The following SAMD5 variants were observed in gnomAD, a reference collection of about 807,000 sequenced individuals.
SAMD5 encodes sterile alpha motif domain-containing protein 5.
A neutral mutation model predicts 11.3 loss-of-function variants in SAMD5; 13 were observed. That is an observed-to-expected ratio of 1.15 (90% CI 0.75 to 1.83). The LOEUF (loss-of-function observed/expected upper bound fraction) is 1.83, where lower values mean the gene tolerates loss of function less well. SAMD5 is among the 40% of genes most tolerant of loss of function. The pLI, the probability that SAMD5 is intolerant of heterozygous loss-of-function variation, is 0.00. For synonymous variants in SAMD5, 129 were observed against 111.3 expected (o/e 1.16, Z -1.00); for missense variants, 255 against 239.1 (o/e 1.07, Z -0.44).
At chr6:147,909,614 T>TTC in the SAMD5 span, among the ~76,000 whole-genome samples, 71 of 77,292 alleles carry the variant, frequency 9.2e-4, 5 homozygotes, top group African/African-American at 5.2e-3. Context: ...CTTTCTTTCT[T>TTC]TCTTTCTTTC....
At chr6:147,589,965 C>T (rs7745415) in intron 1 of SAMD5, among the ~76,000 whole-genome samples, 49,946 of 151,902 alleles carry the variant, frequency 0.33, 8,408 homozygotes, top group East Asian at 0.37. Flanking sequence ...TGCATAGGCC[C>T]GGAATTAGAA....
At chr6:147,597,844 G>A (rs762765116) in intron 1 of SAMD5, among the ~76,000 whole-genome samples, 1 of 152,140 alleles carries the variant, frequency 6.6e-6, no homozygotes, top group Admixed American at 6.5e-5. Flanking sequence ...CTTACAGGGT[G>A]ACTTCTTCCT....
At chr6:147,726,180 G>A (rs1313043903) in intron 1 of SAMD5, among the ~76,000 whole-genome samples, 1 of 152,136 alleles carries the variant, frequency 6.6e-6, no homozygotes, top group African/African-American at 2.4e-5. Flanking sequence ...GTTCACAAAT[G>A]GAAAATTATC....
the SAMD5 span, among the ~76,000 whole-genome samples, chr6:147,866,148 G>A: frequency 2.6e-5 from 4 of 151,864 alleles, no homozygotes; most frequent in African/African-American, 9.7e-5. Flanking sequence ...CCAAGAATGC[G>A]GAAATACCAG....
the SAMD5 span, among the ~76,000 whole-genome samples, chr6:147,806,316 G>A: frequency 2.1e-3 from 321 of 150,450 alleles, 1 homozygote; most frequent in African/African-American, 6.6e-3. Context: ...GCGCGCGCGC[G>A]CGCACACACA....
the SAMD5 span, among the ~76,000 whole-genome samples, chr6:147,799,683 C>A: frequency 6.6e-6 from 1 of 151,216 alleles, no homozygotes; most frequent in Non-Finnish European, 1.5e-5. Flanking sequence ...TGGTTCCATT[C>A]TCCCCATCAC....
At chr6:147,625,386 A>G (rs763087401) in intron 1 of SAMD5, among the ~76,000 whole-genome samples, 1 of 152,226 alleles carries the variant, frequency 6.6e-6, no homozygotes, top group African/African-American at 2.4e-5. Context: ...CATGCTACCA[A>G]ATAAAGTCAA....
chr6:147,528,093 C>A (rs1788372422), intron 1 of SAMD5, among the ~76,000 whole-genome samples: 2 of 151,664 alleles, frequency 1.3e-5, no homozygotes, highest in South Asian at 4.2e-4. Flanking sequence ...ACCCCATGAC[C>A]CAATCATCTC....
At chr6:147,844,788 G>T in the SAMD5 span, among the ~76,000 whole-genome samples, 229 of 152,208 alleles carry the variant, frequency 1.5e-3, no homozygotes, top group African/African-American at 5.3e-3. Flanking sequence ...TCACTTATGT[G>T]AATCTGAAAA....
the SAMD5 span, among the ~76,000 whole-genome samples, chr6:147,795,270 G>A: frequency 1.4e-5 from 2 of 140,886 alleles, no homozygotes; most frequent in Non-Finnish European, 3.0e-5. Context: ...CCGTGTCCAT[G>A]TGTTCTCATT....
At chr6:147,713,817 C>T (rs948303085) in intron 1 of SAMD5, among the ~76,000 whole-genome samples, 22 of 151,860 alleles carry the variant, frequency 1.4e-4, no homozygotes, top group African/African-American at 5.3e-4. Context: ...GTCAGTTTTC[C>T]CCTCTTCTCT....
the SAMD5 span, among the ~76,000 whole-genome samples, chr6:147,937,201 G>A: frequency 5.9e-5 from 9 of 152,248 alleles, no homozygotes; most frequent in African/African-American, 1.9e-4. Context: ...AATATTTAAA[G>A]CCTTTAAAAA....
chr6:147,924,857 A>G, the SAMD5 span, among the ~76,000 whole-genome samples: 1 of 151,872 alleles, frequency 6.6e-6, no homozygotes, highest in African/African-American at 2.4e-5. Flanking sequence ...AATACTTTCA[A>G]CCCCATCTCC....
At position 147,509,141 on chromosome 6, in the gene SAMD5, C is replaced by T; in HGVS notation, c.213C>T (p.Gly71=). 1 of 1,538,810 alleles carries T rather than the reference C, an allele frequency of 6.5e-7. No individual in the cohort carries two copies. The highest frequency in any genetic ancestry group is 8.7e-7 in the Non-Finnish European group (1 of 1,145,314). Residue 71 remains glycine (G), a synonymous_variant, in exon 1 of 2, where the codon GGC becomes GGT. Coordinates refer to ENST00000367474, the MANE Select transcript of SAMD5 (RefSeq NM_001030060.3). ...RLREQDANAA[G]LYFTLEPQPA... ...GGGAGCAGGACGCCAACGCCGCCGG[C>T]CTCTACTTCACGCTTGAGCCGCAGC...
At chr6:147,646,610 T>A (rs1440694038) in intron 1 of SAMD5, among the ~76,000 whole-genome samples, 4 of 152,174 alleles carry the variant, frequency 2.6e-5, no homozygotes, top group Non-Finnish European at 5.9e-5. Context: ...GTGGCACTTG[T>A]AGTGTTGTAT....
chr6:147,875,774 G>A, the SAMD5 span, among the ~76,000 whole-genome samples: 1 of 152,126 alleles, frequency 6.6e-6, no homozygotes, highest in African/African-American at 2.4e-5. Context: ...CGTTCCTTAT[G>A]AGAATCCAGT....
intron 1 of SAMD5, among the ~76,000 whole-genome samples, chr6:147,585,304 A>C (rs557364379): frequency 6.6e-6 from 1 of 152,170 alleles, no homozygotes; most frequent in Non-Finnish European, 1.5e-5. Context: ...TGTAACTATT[A>C]TCAGAGGGAA....
At position 147,566,215 on chromosome 6, in the gene SAMD5, A is replaced by G. The variant is rs1789037988; in HGVS notation, c.*1759A>G. 3 of 976,664 alleles carry G rather than the reference A, an allele frequency of 3.1e-6. No individual in the cohort carries two copies. Among genetic ancestry groups the G allele is most frequent in the Non-Finnish European group, 2.4e-6 (2 of 821,948 alleles). The allele number at this position is 976,664 out of a possible 1,614,324, so 60.5% of individuals were successfully genotyped here. On this transcript the variant is annotated 3_prime_UTR_variant, in exon 2 of 2. Coordinates refer to ENST00000367474, the MANE Select transcript of SAMD5 (RefSeq NM_001030060.3). ...TGTAAGGAAGTTAAATTTTAAAAGC[A>G]TGTATAGGTTGTCCTTAAATTATAC...
intron 1 of SAMD5, among the ~76,000 whole-genome samples, chr6:147,547,211 A>T (rs1398411418): frequency 6.6e-6 from 1 of 152,338 alleles, no homozygotes; most frequent in Middle Eastern, 3.4e-3. Flanking sequence ...CTGCATAATA[A>T]ATAGCCACAA....
Sources: gnomAD v4.1 joint callset for allele counts (sites outside exome capture counted in the v4.1 genomes callset) on GRCh38, gnomAD v4.1.1 for gene constraint, MANE v1.5 for transcripts, NCBI Gene and HGNC (gene_info 2026-07-23, HGNC 2026-07-21) for gene names.